BTRC: variants seen among roughly 807,000 people sequenced by gnomAD.
BTRC encodes beta-transducin repeat containing E3 ubiquitin protein ligase, also known as F-box/WD repeat-containing protein 1A.
A neutral mutation model predicts 85.5 loss-of-function variants in BTRC; 42 were observed. The observed-to-expected ratio is 0.49, with a 90% CI of 0.38 to 0.64. The LOEUF (loss-of-function observed/expected upper bound fraction) is 0.64, where lower values mean the gene tolerates loss of function less well. Ranked by LOEUF, BTRC falls within the 30% of genes least tolerant of loss-of-function variation. The pLI is 0.00. For missense variants in BTRC, 594 were observed against 743.5 expected (o/e 0.80, Z 2.34); for synonymous variants, 255 against 263.3 (o/e 0.97, Z 0.30).
chr10:101,468,813 G>C (rs1945446294), intron 3 of BTRC, among the ~76,000 whole-genome samples: 1 of 152,158 alleles, frequency 6.6e-6, no homozygotes, highest in Non-Finnish European at 1.5e-5. Flanking sequence ...TAGTAAATAA[G>C]GGCAAGTCTG....
At chr10:101,461,895 C>A in intron 2 of BTRC, 86 bp from the exon 3 acceptor site, 2 of 973,524 alleles carry the variant, frequency 2.1e-6, no homozygotes, top group Non-Finnish European at 3.2e-6. Flanking sequence ...TTCTAACTTA[C>A]AGAATTAGAA....
rs1430686406 is a variant in BTRC at position 101,536,665 on chromosome 10, A to T, written c.1577+12A>T. On this transcript the variant is annotated intron_variant, in intron 12 of 14. Coordinates refer to ENST00000370187, the MANE Select transcript of BTRC (RefSeq NM_033637.4). ...GGGGCCTATGATGGGTGAGTGTGCT[A>T]ACAGAGTGTAAAAAAGAGAAAATCT... The T allele has an allele frequency of 6.3e-7, 1 of 1,578,974 alleles. No homozygotes were observed. The highest frequency in any genetic ancestry group is 8.7e-7 in the Non-Finnish European group (1 of 1,148,982).
chr10:101,541,452 G>C (rs1391734623), intron 13 of BTRC, among the ~76,000 whole-genome samples: 1 of 151,998 alleles, frequency 6.6e-6, no homozygotes, highest in Non-Finnish European at 1.5e-5. Flanking sequence ...AGTAGAGACG[G>C]GGTTTCATCA....
chr10:101,357,886 A>G (rs1248778062), intron 1 of BTRC, among the ~76,000 whole-genome samples: 1 of 152,244 alleles, frequency 6.6e-6, no homozygotes, highest in Non-Finnish European at 1.5e-5. Context: ...AACGGTTTAC[A>G]TTAACTTACG....
chr10:101,522,008 A>T, intron 5 of BTRC, 138 bp downstream of exon 5: 3 of 167,132 alleles, frequency 1.8e-5, no homozygotes, highest in South Asian at 2.5e-4. Flanking sequence ...CCTTTTTGAT[A>T]TAAAGCTTTT....
chr10:101,546,946 T>C (rs1410281961), intron 13 of BTRC, among the ~76,000 whole-genome samples: 1 of 152,214 alleles, frequency 6.6e-6, no homozygotes, highest in Non-Finnish European at 1.5e-5. Flanking sequence ...TTTGAAGAAG[T>C]TATATCAATT....
chr10:101,367,025 TATATATTTATATATATAA>T (rs1213811708), intron 1 of BTRC, among the ~76,000 whole-genome samples: 5 of 59,702 alleles, frequency 8.4e-5, no homozygotes, highest in Non-Finnish European at 1.8e-4. Flanking sequence ...TATTTATATT[TATATATTTATATATATAA>T]ATATATATAT....
intron 1 of BTRC, among the ~76,000 whole-genome samples, chr10:101,378,946 T>C (rs1344289765): frequency 1.3e-5 from 2 of 152,212 alleles, no homozygotes; most frequent in African/African-American, 4.8e-5. Flanking sequence ...AAAGGTGACT[T>C]AAGTTGAAGA....
chr10:101,509,568 T>A (rs1347246638), intron 4 of BTRC, among the ~76,000 whole-genome samples: 1 of 150,106 alleles, frequency 6.7e-6, no homozygotes, highest in Non-Finnish European at 1.5e-5. Flanking sequence ...TTTTTTTTTT[T>A]TTGAGACAAG....
Position 101,366,792 on chromosome 10 carries a change from T to TATATATATTTATA in BTRC, c.48+12564_48+12565insATATATATTTATA, listed in dbSNP as rs1364182611. Among the ~76,000 whole-genome samples the TATATATATTTATA allele has an allele frequency of 1.5e-4, 13 of 88,098 alleles. No individual in the cohort carries two copies. In the South Asian group the frequency reaches 3.3e-3, roughly 23 times the overall value. The allele number at this position is 88,098 out of a possible 152,430, so 57.8% of individuals were successfully genotyped here. ...TATATATATATATATATATATATTT[T>TATATATATTTATA]TACATTTATATATATATTTATATAT... On this transcript the variant is annotated intron_variant, in intron 1 of 14. Coordinates refer to ENST00000370187, the MANE Select transcript of BTRC (RefSeq NM_033637.4).
At chr10:101,366,017 C>T (rs1403262523) in intron 1 of BTRC, among the ~76,000 whole-genome samples, 1 of 152,080 alleles carries the variant, frequency 6.6e-6, no homozygotes, top group African/African-American at 2.4e-5. Flanking sequence ...TAGGGTCTCT[C>T]TCTATTTTTC....
intron 3 of BTRC, among the ~76,000 whole-genome samples, chr10:101,467,344 T>C (rs935353037): frequency 7.4e-5 from 10 of 134,674 alleles, no homozygotes; most frequent in South Asian, 4.6e-4. Context: ...TTTTTTTTTT[T>C]TCTCTCTATT....
chr10:101,398,838 A>AT (rs1428723374), intron 1 of BTRC, among the ~76,000 whole-genome samples: 1 of 152,182 alleles, frequency 6.6e-6, no homozygotes, highest in Non-Finnish European at 1.5e-5. Flanking sequence ...ATCCAGGTTG[A>AT]TTTTGCCTGA....
chr10:101,399,473 G>A (rs565762537), intron 1 of BTRC, among the ~76,000 whole-genome samples: 1 of 152,098 alleles, frequency 6.6e-6, no homozygotes, highest in African/African-American at 2.4e-5. Context: ...TTCAAAGATT[G>A]CATTAACAAG....
intron 12 of BTRC, among the ~76,000 whole-genome samples, chr10:101,536,987 C>T (rs1257400089): frequency 6.6e-6 from 1 of 152,110 alleles, no homozygotes; most frequent in Middle Eastern, 3.2e-3. Context: ...AACCTGTTAA[C>T]AAAACAGAAA....
intron 6 of BTRC, among the ~76,000 whole-genome samples, chr10:101,527,491 G>A (rs543310649): frequency 6.6e-6 from 1 of 152,250 alleles, no homozygotes; most frequent in South Asian, 2.1e-4. Flanking sequence ...GGTGGCTCAC[G>A]CCTGTAATCC....
intron 1 of BTRC, among the ~76,000 whole-genome samples, chr10:101,406,366 C>T (rs1269848420): frequency 5.3e-5 from 8 of 151,128 alleles, no homozygotes; most frequent in Non-Finnish European, 1.0e-4. Context: ...TTAGTAGAGA[C>T]GGGGTTTCAC....
intron 4 of BTRC, among the ~76,000 whole-genome samples, chr10:101,483,385 G>A (rs1945894794): frequency 1.3e-5 from 2 of 152,164 alleles, no homozygotes; most frequent in African/African-American, 4.8e-5. Flanking sequence ...ACGAGGTCAG[G>A]AGTTCAAGAC....
chr10:101,519,074 C>CTTTT (rs35213665), intron 4 of BTRC, among the ~76,000 whole-genome samples: 22 of 104,944 alleles, frequency 2.1e-4, no homozygotes, highest in East Asian at 2.6e-4. Context: ...CTCTTCTCAG[C>CTTTT]TTTTTTTTTT....
Sources: allele counts gnomAD v4.1 joint callset (sites outside exome capture counted in the v4.1 genomes callset), GRCh38; gene constraint gnomAD v4.1.1; transcripts MANE v1.5; gene names NCBI Gene and HGNC (gene_info 2026-07-23, HGNC 2026-07-21).